ABCB1: variants seen among roughly 807,000 people sequenced by gnomAD.
ABCB1 encodes the protein ATP binding cassette subfamily B member 1, also known as ATP-dependent translocase ABCB1.
In ABCB1, 69 loss-of-function variants were observed where a neutral mutation model predicts 142.0. That is an observed-to-expected ratio of 0.49 (90% confidence interval 0.40 to 0.59). ABCB1 has a LOEUF of 0.59. ABCB1 is among the 20% of genes least tolerant of loss of function. The probability of loss-of-function intolerance (pLI) is 0.00; values close to 1 mark genes in which losing one functional copy is unlikely to be tolerated. For synonymous variants in ABCB1, 532 were observed against 539.2 expected (o/e 0.99, Z 0.18); for missense variants, 1,326 against 1,554.7 (o/e 0.85, Z 2.47).
At chr7:87,661,794 T>G (rs1325732464) in intron 1 of ABCB1, among the ~76,000 whole-genome samples, 1 of 151,916 alleles carries the variant, frequency 6.6e-6, no homozygotes, top group Non-Finnish European at 1.5e-5. Flanking sequence ...GATCATATGG[T>G]AGTTTAATTT....
intron 1 of ABCB1, among the ~76,000 whole-genome samples, chr7:87,613,223 G>T (rs1438692838): frequency 1.4e-5 from 2 of 143,954 alleles, no homozygotes; most frequent in Admixed American, 6.9e-5. Context: ...AGATAATTTG[G>T]CTTCCTCTTT....
intron 4 of ABCB1, among the ~76,000 whole-genome samples, chr7:87,578,956 G>A (rs1055223494): frequency 2.0e-5 from 3 of 151,930 alleles, no homozygotes; most frequent in Non-Finnish European, 4.4e-5. Flanking sequence ...GCCTCCCAAA[G>A]TGCTGGGATT....
At chr7:87,554,084 G>A (rs1817210960) in intron 8 of ABCB1, 152 bp from the exon 9 acceptor site, 1 of 684,742 alleles carries the variant, frequency 1.5e-6, no homozygotes. Context: ...TAGTAGTACT[G>A]TTTTACTCCC....
At chr7:87,600,914 GA>G (rs2130006550), upstream of ABCB1, 1 of 152,490 alleles carries the variant, frequency 6.6e-6, no homozygotes, top group South Asian at 2.1e-4. Flanking sequence ...CAAAGAGAGC[GA>G]AGCGGCTGTG....
intron 8 of ABCB1, among the ~76,000 whole-genome samples, chr7:87,558,108 T>A (rs1210043794): frequency 6.6e-6 from 1 of 152,182 alleles, no homozygotes; most frequent in Non-Finnish European, 1.5e-5. Flanking sequence ...GAGCATGAAT[T>A]CACACTACCA....
At position 87,642,700 on chromosome 7, in the gene ABCB1, C is replaced by A. The variant is rs542141119; in HGVS notation, c.-330-41622G>T. Among the ~76,000 whole-genome samples, 7 of 152,134 alleles carry A rather than the reference C, an allele frequency of 4.6e-5. No individual in the cohort carries two copies. In the East Asian group the frequency reaches 1.4e-3, roughly 29 times the overall value. On this transcript the variant is annotated intron_variant, in intron 1 of 28. Coordinates refer to the ABCB1 transcript ENST00000265724. ...TGAAGCTGGAAACCATCATTCTCAG[C>A]AAACTGTCTTTTTTATTTTAAGAGT...
intron 4 of ABCB1, among the ~76,000 whole-genome samples, chr7:87,573,443 T>A (rs955222405): frequency 4.6e-5 from 7 of 152,154 alleles, no homozygotes; most frequent in African/African-American, 1.7e-4. Flanking sequence ...CCAAAATATA[T>A]CTAGAGCTAT....
intron 1 of ABCB1, among the ~76,000 whole-genome samples, chr7:87,626,774 CAG>C (rs757569014): frequency 4.5e-4 from 54 of 119,300 alleles, no homozygotes; most frequent in East Asian, 8.9e-4. Context: ...ATATATATGT[CAG>C]AGAGAGAGAG....
intron 5 of ABCB1, among the ~76,000 whole-genome samples, chr7:87,568,473 G>C (rs532246369): frequency 6.6e-6 from 1 of 150,886 alleles, no homozygotes; most frequent in East Asian, 1.9e-4. Flanking sequence ...TTAGGTTAAA[G>C]GCAAACATTC....
At chr7:87,611,345 G>A (rs993471378) in intron 1 of ABCB1, among the ~76,000 whole-genome samples, 1 of 152,126 alleles carries the variant, frequency 6.6e-6, no homozygotes, top group African/African-American at 2.4e-5. Flanking sequence ...GTGCCCATTA[G>A]GATGTTTTTC....
intron 17 of ABCB1, among the ~76,000 whole-genome samples, chr7:87,543,742 T>A (rs1232374161): frequency 1.3e-5 from 2 of 152,190 alleles, no homozygotes; most frequent in Non-Finnish European, 2.9e-5. Context: ...GTATGTATGT[T>A]AGAGAACAGT....
chr7:87,561,617 G>C (rs1817566225), intron 7 of ABCB1, among the ~76,000 whole-genome samples: 1 of 152,128 alleles, frequency 6.6e-6, no homozygotes. Flanking sequence ...TATGAAAGCT[G>C]GATCAATTGC....
intron 1 of ABCB1, chr7:87,700,536 C>T: frequency 6.2e-7 from 1 of 1,612,438 alleles, no homozygotes; most frequent in Non-Finnish European, 8.5e-7. Context: ...TGGAAAATGT[C>T]AGTTCTTCTA....
chr7:87,550,665 G>T, intron 10 of ABCB1, 60 bp downstream of exon 10: 1 of 1,560,664 alleles, frequency 6.4e-7, no homozygotes, highest in Non-Finnish European at 8.8e-7. Context: ...AAGTGACAAA[G>T]AAATTGACTT....
At chr7:87,674,272 A>G (rs1826106064) in intron 1 of ABCB1, among the ~76,000 whole-genome samples, 1 of 152,166 alleles carries the variant, frequency 6.6e-6, no homozygotes, top group African/African-American at 2.4e-5. Flanking sequence ...AGTGATGTAC[A>G]TGCAGGTACT....
chr7:87,589,140 G>A (rs973024144), intron 3 of ABCB1, among the ~76,000 whole-genome samples: 4 of 152,146 alleles, frequency 2.6e-5, no homozygotes, highest in African/African-American at 7.2e-5. Context: ...TAGGACAAAA[G>A]CCTCAGTCAA....
intron 1 of ABCB1, among the ~76,000 whole-genome samples, chr7:87,606,267 A>G (rs1307663087): frequency 6.6e-6 from 1 of 152,160 alleles, no homozygotes; most frequent in African/African-American, 2.4e-5. Flanking sequence ...AAATTACAAC[A>G]GCAAAGATAT....
intron 21 of ABCB1, among the ~76,000 whole-genome samples, chr7:87,526,100 G>T (rs1584847781): frequency 6.6e-6 from 1 of 151,270 alleles, no homozygotes; most frequent in Non-Finnish European, 1.5e-5. Context: ...AATTCCTCTG[G>T]TGTGATGTTT....
intron 4 of ABCB1, among the ~76,000 whole-genome samples, chr7:87,579,673 A>G (rs1818424963): frequency 6.6e-6 from 1 of 152,056 alleles, no homozygotes; most frequent in Non-Finnish European, 1.5e-5. Flanking sequence ...TGATAAGTGA[A>G]GACTTACTCC....
Sources: gnomAD v4.1 joint callset for allele counts (sites outside exome capture counted in the v4.1 genomes callset) on GRCh38, gnomAD v4.1.1 for gene constraint, MANE v1.5 for transcripts, NCBI Gene and HGNC (gene_info 2026-07-23, HGNC 2026-07-21) for gene names.